Variants in DLGAP2 observed in about 807,000 individuals in gnomAD.
DLGAP2 encodes disks large-associated protein 2.
In DLGAP2, 26 loss-of-function variants were observed where a neutral mutation model predicts 100.3. That is an observed-to-expected ratio of 0.26 (90% CI 0.19 to 0.36). DLGAP2 has a LOEUF of 0.36. DLGAP2 is among the 10% of genes least tolerant of loss of function. The pLI, the probability that DLGAP2 is intolerant of heterozygous loss-of-function variation, is 1.00. For synonymous variants in DLGAP2, 886 were observed against 630.1 expected, an observed-to-expected ratio of 1.41 and a Z score of -6.08; for missense variants, 1,858 against 1,453.2, an observed-to-expected ratio of 1.28 and a Z score of -4.53.
chr8:1,664,016 C>A (rs7813097), intron 8 of DLGAP2, among the ~76,000 whole-genome samples: 96 of 152,304 alleles, frequency 6.3e-4, no homozygotes, highest in African/African-American at 2.2e-3. Flanking sequence ...TTTGCAGTAT[C>A]CTTATGCCAG....
rs139909286 is a variant in DLGAP2 at position 783,724 on chromosome 8, A to G, written c.18+45899A>G. 4.4e-3 allele frequency among the ~76,000 whole-genome samples: 674 copies of G among 152,154 alleles called. 4 individuals carry two copies. Among genetic ancestry groups the G allele is most frequent in the African/African-American group, 0.015 (636 of 41,536 alleles). ...TCTCAAACTCACCCTTCCCCCTCTT[A>G]TGAAAGAGGGAAAAGGTGTACCCTC... On this transcript the variant is annotated intron_variant, in intron 1 of 14. Transcript: ENST00000637795.
intron 3 of DLGAP2, among the ~76,000 whole-genome samples, chr8:1,481,778 A>G (rs1329260320): frequency 1.3e-5 from 2 of 152,156 alleles, no homozygotes; most frequent in African/African-American, 4.8e-5. Context: ...GCACCAGGCC[A>G]GATTTTATTT....
At chr8:1,573,049 G>T (rs541832220) in intron 6 of DLGAP2, among the ~76,000 whole-genome samples, 78 of 70,686 alleles carry the variant, frequency 1.1e-3, no homozygotes, top group African/African-American at 4.6e-3. Flanking sequence ...CTGATGAGAT[G>T]GAGAGGAGAG....
At chr8:1,115,803 G>A (rs978851768) in intron 2 of DLGAP2, among the ~76,000 whole-genome samples, 5 of 152,188 alleles carry the variant, frequency 3.3e-5, no homozygotes, top group African/African-American at 4.8e-5. Flanking sequence ...GACAGTTTTC[G>A]AATTTGTTGA....
At chr8:1,258,962 A>G in intron 3 of DLGAP2, 79 bp downstream of exon 3, 2 of 1,156,720 alleles carry the variant, frequency 1.7e-6, no homozygotes, top group Non-Finnish European at 2.2e-6. Flanking sequence ...GTCTACCATG[A>G]AACGTGTTGG....
chr8:1,208,845 C>T (rs756070519), intron 2 of DLGAP2, among the ~76,000 whole-genome samples: 1 of 151,068 alleles, frequency 6.6e-6, no homozygotes, highest in South Asian at 2.1e-4. Flanking sequence ...GAACTCCACC[C>T]CTTTACAATA....
intron 3 of DLGAP2, among the ~76,000 whole-genome samples, chr8:1,416,811 C>G (rs1050512298): frequency 6.6e-6 from 1 of 152,184 alleles, no homozygotes; most frequent in South Asian, 2.1e-4. Flanking sequence ...CCGTGCCGGC[C>G]TCCTTTTCTG....
intron 2 of DLGAP2, among the ~76,000 whole-genome samples, chr8:919,570 C>T (rs1798666097): frequency 6.6e-6 from 1 of 152,180 alleles, no homozygotes; most frequent in African/African-American, 2.4e-5. Flanking sequence ...GAATAGAGTC[C>T]ACTGTTCACA....
chr8:847,989 C>T (rs1797101985), intron 1 of DLGAP2, among the ~76,000 whole-genome samples: 1 of 152,148 alleles, frequency 6.6e-6, no homozygotes. Flanking sequence ...GGGGTAAACA[C>T]TTCTGCTAAG....
chr8:853,384 G>A (rs529086796), intron 1 of DLGAP2, among the ~76,000 whole-genome samples: 34 of 152,370 alleles, frequency 2.2e-4, no homozygotes, highest in African/African-American at 7.5e-4. Context: ...GAGACACGGT[G>A]CCCAGGGTTG....
chr8:1,333,196 G>T (rs1801197646), intron 3 of DLGAP2, among the ~76,000 whole-genome samples: 1 of 152,126 alleles, frequency 6.6e-6, no homozygotes, highest in Admixed American at 6.5e-5. Context: ...ACTGTCTTCT[G>T]GCACATTACA....
chr8:1,565,239 C>G (rs1419428934), intron 5 of DLGAP2, among the ~76,000 whole-genome samples: 1 of 152,084 alleles, frequency 6.6e-6, no homozygotes, highest in South Asian at 2.1e-4. Context: ...TAAAACCGTC[C>G]TCTTTTATTT....
intron 2 of DLGAP2, among the ~76,000 whole-genome samples, chr8:1,214,982 G>A (rs1292122957): frequency 6.6e-6 from 1 of 152,192 alleles, no homozygotes; most frequent in Non-Finnish European, 1.5e-5. Flanking sequence ...TTTCGGGAGA[G>A]CACTCTGTGC....
chr8:764,133 A>G (rs1210150247), intron 1 of DLGAP2, among the ~76,000 whole-genome samples: 4 of 152,188 alleles, frequency 2.6e-5, no homozygotes, highest in African/African-American at 9.7e-5. Context: ...TCCTGAAGGC[A>G]TGACATGCTG....
intron 1 of DLGAP2, among the ~76,000 whole-genome samples, chr8:905,819 C>T (rs1798367838): frequency 1.4e-5 from 2 of 147,068 alleles, no homozygotes; most frequent in Non-Finnish European, 1.5e-5. Flanking sequence ...CGCCCCCAAG[C>T]ACGTGTCCTA....
At position 1,102,100 on chromosome 8, in the gene DLGAP2, CAT is replaced by C. The variant is rs1804604804; in HGVS notation, c.74-156748_74-156747del. Among the ~76,000 whole-genome samples, 6 of 151,580 alleles carry C rather than the reference CAT, an allele frequency of 4.0e-5. No individual in the cohort carries two copies. The South Asian group carries it at 1.3e-3, about 32-fold the overall frequency. On this transcript the variant is annotated intron_variant, in intron 2 of 14. Transcript: ENST00000637795. ...GAGAAGAACTCATATTATAAAACAA[CAT>C]ATGTGATATGACACACATTTTATTC... is the stretch of plus-strand genomic sequence containing the variant.
chr8:1,463,581 G>A (rs868058688), intron 3 of DLGAP2, among the ~76,000 whole-genome samples: 18 of 152,260 alleles, frequency 1.2e-4, no homozygotes, highest in African/African-American at 4.3e-4. Context: ...GCGTTGAGGG[G>A]TCCAGTGGTT....
At chr8:932,666 G>A (rs1798984887) in intron 2 of DLGAP2, among the ~76,000 whole-genome samples, 3 of 152,162 alleles carry the variant, frequency 2.0e-5, no homozygotes, top group African/African-American at 7.2e-5. Flanking sequence ...GTAGTCTCAT[G>A]TGGCTCTGAA....
At chr8:1,654,877 G>A (rs10448097) in intron 8 of DLGAP2, among the ~76,000 whole-genome samples, 50,565 of 151,948 alleles carry the variant, frequency 0.33, 8,585 homozygotes, top group East Asian at 0.48. Context: ...TCAAAATTCT[G>A]TACTTAGAAA....
Sources: gnomAD v4.1 joint callset for allele counts (sites outside exome capture counted in the v4.1 genomes callset) on GRCh38, gnomAD v4.1.1 for gene constraint, MANE v1.5 for transcripts, NCBI Gene and HGNC (gene_info 2026-07-23, HGNC 2026-07-21) for gene names.